Variants in DDX47 observed in about 807,000 individuals in gnomAD.
The protein encoded by DDX47 is DEAD-box helicase 47.
A neutral mutation model predicts 58.8 loss-of-function variants in DDX47; 60 were observed. The observed-to-expected ratio is 1.02, with a 90% CI of 0.83 to 1.26. DDX47 has a LOEUF of 1.26. Among genes scored for constraint, DDX47 ranks in the 50% most tolerant of loss-of-function variants. The pLI is 0.00. For missense variants in DDX47, 530 were observed against 573.2 expected (o/e 0.92, Z 0.77); for synonymous variants, 197 against 204.6 (o/e 0.96, Z 0.32).
Position 12,824,586 on chromosome 12 carries a change from C to T in DDX47, c.944C>T (p.Ser315Phe). ...AATAAGTTTAAGGCCAAGGCCCGTT[C>T]CATTCTTCTAGCAACTGACGTTGCC... ...SLNKFKAKAR[S>F]ILLATDVASR... Residue 315 changes from serine to phenylalanine, a missense_variant, in exon 9 of 12, where the codon TCC becomes TTC. By Grantham distance (155) the Ser-to-Phe change is radical. Coordinates refer to ENST00000358007, the MANE Select transcript of DDX47 (RefSeq NM_016355.4). 2 of 1,614,084 alleles carry T rather than the reference C, an allele frequency of 1.2e-6. No individual in the cohort carries two copies. The highest frequency in any genetic ancestry group is 1.7e-6 in the Non-Finnish European group (2 of 1,179,972).
At chr12:12,814,673 T>C (rs988968953) in intron 2 of DDX47, 1 of 156,434 alleles carries the variant, frequency 6.4e-6, no homozygotes, top group South Asian at 1.9e-4. Context: ...CTTTTTGAGA[T>C]CTTTTTTTTA....
intron 2 of DDX47, among the ~76,000 whole-genome samples, chr12:12,820,107 G>T (rs1299798331): frequency 6.6e-6 from 1 of 152,224 alleles, no homozygotes; most frequent in Admixed American, 6.5e-5. Flanking sequence ...ACTGGCCACT[G>T]TGGTAGTGCA....
intron 5 of DDX47, 145 bp downstream of exon 5, chr12:12,822,228 C>T (rs1862985641): frequency 5.0e-6 from 3 of 600,994 alleles, no homozygotes; most frequent in Non-Finnish European, 8.8e-6. Flanking sequence ...TTTCTCAGCA[C>T]CCTTTTATCT....
At chr12:12,819,281 C>T (rs1458618286) in intron 2 of DDX47, among the ~76,000 whole-genome samples, 1 of 151,742 alleles carries the variant, frequency 6.6e-6, no homozygotes, top group African/African-American at 2.4e-5. Context: ...TAACATTTCT[C>T]ATTCAGTCCT....
intron 5 of DDX47, 148 bp downstream of exon 5, chr12:12,822,231 T>C: frequency 1.7e-6 from 1 of 595,548 alleles, no homozygotes; most frequent in South Asian, 2.2e-5. Context: ...CTCAGCACCC[T>C]TTTATCTTTA....
chr12:12,825,890 C>T (rs1370945876), intron 9 of DDX47, 110 bp from the exon 10 acceptor site: 28 of 781,152 alleles, frequency 3.6e-5, no homozygotes, highest in East Asian at 1.8e-4. Flanking sequence ...CTCCATGTTA[C>T]GAAATGAATC....
intron 2 of DDX47, among the ~76,000 whole-genome samples, chr12:12,817,858 A>G (rs2058609): frequency 0.76 from 116,129 of 152,174 alleles, 45,099 homozygotes; most frequent in African/African-American, 0.91. Context: ...CCTCAGCTGT[A>G]GGCAGTGAGC....
intron 11 of DDX47, among the ~76,000 whole-genome samples, chr12:12,828,906 G>T (rs1485096600): frequency 1.3e-5 from 2 of 152,180 alleles, no homozygotes; most frequent in Non-Finnish European, 2.9e-5. Flanking sequence ...TCCATCATGT[G>T]TATGAAATAC....
chr12:12,813,610 C>G lies in DDX47; in HGVS notation c.87+156C>G. 6.9e-6 allele frequency: 5 copies of G among 723,184 alleles called. No individual in the cohort carries two copies. The South Asian group carries it at 9.2e-5, about 13-fold the overall frequency. The allele number at this position is 723,184 out of a possible 1,614,324, so 44.8% of individuals were successfully genotyped here. On this transcript the variant is annotated intron_variant, in intron 1 of 11. Coordinates refer to ENST00000358007, the MANE Select transcript of DDX47 (RefSeq NM_016355.4). ...TTCAGAGGGCTGGGTTTCGGACGTG[C>G]TCTGAGTTTGGGTGGTGGGAGGGCT...
Position 12,824,547 on chromosome 12 carries a change from G to A in DDX47, c.905G>A (p.Arg302His), listed in dbSNP as rs761267089. Reference protein sequence around the residue: ...PLHGQMSQSKRLGSLNKFKAK... With the variant: ...PLHGQMSQSKHLGSLNKFKAK... ...TCTTTTTCATTACCTCAGAGTAAGCGCCTAGGATCCCTTAATAAGTTTAAG... is the reference window on the plus strand; with the variant it reads ...TCTTTTTCATTACCTCAGAGTAAGCACCTAGGATCCCTTAATAAGTTTAAG... The change falls in exon 9 of 12, where the codon CGC becomes CAC. Residue 302 changes from arginine to histidine, a missense_variant. Physicochemically the swap from Arg to His is conservative, Grantham distance 29. Coordinates refer to ENST00000358007, the MANE Select transcript of DDX47 (RefSeq NM_016355.4). The A allele has an allele frequency of 5.6e-6, 9 of 1,610,656 alleles. No individual in the cohort carries two copies. The highest frequency in any genetic ancestry group is 2.5e-6 in the Non-Finnish European group (3 of 1,179,092).
intron 9 of DDX47, among the ~76,000 whole-genome samples, chr12:12,825,457 A>G (rs1334117688): frequency 1.3e-5 from 2 of 152,174 alleles, no homozygotes; most frequent in African/African-American, 2.4e-5. Context: ...ATATTTCCAG[A>G]CATTACCAGT....
At chr12:12,826,348 G>T in intron 10 of DDX47, 1 of 250,006 alleles carries the variant, frequency 4.0e-6, no homozygotes. Context: ...GAAAGTATTA[G>T]AATAACTATT....
In DDX47 at chr12:12,821,706, A is replaced by G; in HGVS notation, c.422A>G (p.Lys141Arg). 6.2e-7 allele frequency: 1 copy of G among 1,613,170 alleles called. No individual in the cohort carries two copies. Among genetic ancestry groups the G allele is most frequent in the African/African-American group, 1.3e-5 (1 of 75,032 alleles). Residue 141 changes from lysine to arginine, a missense_variant, in exon 4 of 12, where the codon AAA becomes AGA. Coordinates refer to ENST00000358007, the MANE Select transcript of DDX47 (RefSeq NM_016355.4). ...ATGTCTCAATCTTTGGCCCTTGCAA[A>G]AAAACCACATATAATAATAGGTGAG... ...DSMSQSLALA[K>R]KPHIIIATPG... is the part of the protein sequence containing the mutation.
intron 7 of DDX47, 66 bp downstream of exon 7, chr12:12,823,385 G>A: frequency 1.0e-6 from 1 of 990,552 alleles, no homozygotes; most frequent in Non-Finnish European, 1.6e-6. Flanking sequence ...CTGAAAATGT[G>A]TCAACTCTTG....
Position 12,814,199 on chromosome 12 carries a change from T to G in DDX47, c.156T>G (p.Ile52Met), listed in dbSNP as rs149459936. 1.2e-6 allele frequency: 2 copies of G among 1,612,454 alleles called. No homozygotes were observed. The highest frequency in any genetic ancestry group is 1.3e-5 in the African/African-American group (1 of 75,008). ...GGACAAAACCCACCAAGATCCAGAT[T>G]GAAGCTATTCCTTTGGCCTTACAAG... Reference protein sequence around the residue: ...LGWTKPTKIQIEAIPLALQGR... With the variant: ...LGWTKPTKIQMEAIPLALQGR... The change falls in exon 2 of 12, where the codon ATT (isoleucine) becomes ATG (methionine). Residue 52 changes from isoleucine to methionine, a missense_variant. Ile to Met is a conservative substitution (Grantham distance 10). Coordinates refer to ENST00000358007, the MANE Select transcript of DDX47 (RefSeq NM_016355.4).
chr12:12,821,879 G>A lies in DDX47; in HGVS notation c.443-86G>A, dbSNP rs542258891. On this transcript the variant is annotated intron_variant, in intron 4 of 11. Coordinates refer to ENST00000358007, the MANE Select transcript of DDX47 (RefSeq NM_016355.4). ...ATTTGGTGGAGAGCTGTGGGGTGGG[G>A]CAGATAACTTTATTTGTTTATTTGT... The A allele has an allele frequency of 8.1e-5, 93 of 1,146,550 alleles. No individual in the cohort carries two copies. In the African/African-American group the frequency reaches 1.2e-3, roughly 15 times the overall value. 71.0% of individuals were successfully genotyped at this position (1,146,550 alleles called of 1,614,324 possible).
rs768752802 is a variant in DDX47, at chr12:12,823,933, A to G, written c.814A>G (p.Thr272Ala). ...AGNSFMIFCSTCNNTQRTALL... is the reference protein window; with the variant it reads ...AGNSFMIFCSACNNTQRTALL... ...AAACTCCTTTATGATATTCTGCAGC[A>G]CCTGTAATAATACCCAGAGAACAGC... Residue 272 changes from threonine to alanine, a missense_variant, in exon 8 of 12, where the codon ACC (threonine) becomes GCC (alanine). Thr to Ala is a moderately conservative substitution (Grantham distance 58). Coordinates refer to ENST00000358007, the MANE Select transcript of DDX47 (RefSeq NM_016355.4). The G allele has an allele frequency of 1.9e-6, 3 of 1,614,154 alleles. No homozygotes were observed. The East Asian group carries it at 6.7e-5, about 36-fold the overall frequency.
chr12:12,823,079 C>A, intron 6 of DDX47, 124 bp from the exon 7 acceptor site: 1 of 714,124 alleles, frequency 1.4e-6, no homozygotes, highest in Non-Finnish European at 2.5e-6. Context: ...CCCACCAGGT[C>A]CCTCCCGTGA....
At chr12:12,819,312 ATCAGTGAG>A (rs1163969457) in intron 2 of DDX47, among the ~76,000 whole-genome samples, 1 of 150,008 alleles carries the variant, frequency 6.7e-6, no homozygotes, top group Non-Finnish European at 1.5e-5. Flanking sequence ...CCCTGTCTGC[ATCAGTGAG>A]TCTGTATTCT....
Sources: allele counts gnomAD v4.1 joint callset (sites outside exome capture counted in the v4.1 genomes callset), GRCh38; gene constraint gnomAD v4.1.1; transcripts MANE v1.5; gene names NCBI Gene and HGNC (gene_info 2026-07-23, HGNC 2026-07-21).